Variants in CALML6 observed in about 807,000 individuals in gnomAD.
CALML6 encodes the protein calmodulin-like protein 6.
In CALML6, 27 loss-of-function variants were observed where a neutral mutation model predicts 25.0. That is an observed-to-expected ratio of 1.08 (90% CI 0.80 to 1.49). The LOEUF is 1.49. Among genes scored for constraint, CALML6 ranks in the 40% most tolerant of loss-of-function variants. The pLI, the probability that CALML6 is intolerant of heterozygous loss-of-function variation, is 0.00. For synonymous variants in CALML6, 97 were observed against 87.2 expected (o/e 1.11, Z -0.63); for missense variants, 239 against 232.7 (o/e 1.03, Z -0.18).
chr1:1,916,480 G>A lies in CALML6; in HGVS notation c.118G>A (p.Gly40Arg), dbSNP rs1383214336. 1 of 1,570,244 alleles carries A rather than the reference G, an allele frequency of 6.4e-7. No homozygotes were observed. Among genetic ancestry groups the A allele is most frequent in the Non-Finnish European group, 8.6e-7 (1 of 1,157,882 alleles). The change falls in exon 3 of 6, where the codon GGA becomes AGA. Residue 40 changes from glycine (G) to arginine (R), a missense_variant. Coordinates refer to ENST00000307786, the MANE Select transcript of CALML6 (RefSeq NM_138705.4). The stretch of plus-strand genomic sequence containing the variant: ...GGCTGAGCAGATCAAGGAGTACAAG[G>A]GAGTCTTTGAGATGTTCGACGAAGA... ...LSAEQIKEYK[G>R]VFEMFDEEGN...
Position 1,916,616 on chromosome 1 carries a change from G to C in CALML6, c.253+1G>C. ...ATGGCCAAGGATGTGGACAGAGACA[G>C]TGAGCTCATGGCTGGAGTGGGGTGG... On this transcript the variant is annotated splice_donor_variant, in intron 3 of 5. Transcript: ENST00000307786. LOFTEE classifies it high-confidence loss of function. The C allele has an allele frequency of 1.9e-6, 3 of 1,604,104 alleles. No individual in the cohort carries two copies. The highest frequency in any genetic ancestry group is 2.6e-6 in the Non-Finnish European group (3 of 1,174,176).
intron 2 of CALML6, chr1:1,916,225 CCT>C (rs1263121276): frequency 4.0e-5 from 20 of 504,636 alleles, no homozygotes; most frequent in South Asian, 7.0e-5. Context: ...GGCCCTTGCC[CCT>C]GTTAGCTGCC....
At chr1:1,916,192 C>T (rs556333343) in intron 2 of CALML6, 2 of 463,618 alleles carry the variant, frequency 4.3e-6, no homozygotes, top group Non-Finnish European at 7.7e-6. Flanking sequence ...GCTGTTCCCT[C>T]GCACGCTGGC....
chr1:1,917,142 C>A lies in CALML6; in HGVS notation c.500-5C>A. 1 of 1,608,782 alleles carries A rather than the reference C, an allele frequency of 6.2e-7. No individual in the cohort carries two copies. The highest frequency in any genetic ancestry group is 8.5e-7 in the Non-Finnish European group (1 of 1,178,488). Reference sequence around the variant, plus strand: ...CAAGCTGCTGACCTGCCCCTCTGTTCCCAGAGTTTGTGGCCATGATGACGG... The same window carrying A: ...CAAGCTGCTGACCTGCCCCTCTGTTACCAGAGTTTGTGGCCATGATGACGG... On this transcript the variant is annotated splice_polypyrimidine_tract_variant and splice_region_variant and intron_variant, in intron 5 of 5. Transcript: ENST00000307786.
chr1:1,916,589 C>T lies in CALML6; in HGVS notation c.227C>T (p.Ser76Leu), dbSNP rs770748193. The change falls in exon 3 of 6, where the codon TCA becomes TTA. Residue 76 changes from serine (S) to leucine (L), a missense_variant. By Grantham distance (145) the Ser-to-Leu change is moderately radical. Transcript: ENST00000307786. ...GINPTKSELA[S>L]MAKDVDRDNK... ...AACCCCACCAAGAGTGAGCTGGCCTCAATGGCCAAGGATGTGGACAGAGAC... is the reference window on the plus strand; with the variant it reads ...AACCCCACCAAGAGTGAGCTGGCCTTAATGGCCAAGGATGTGGACAGAGAC... 6 of 1,608,714 alleles carry T rather than the reference C, an allele frequency of 3.7e-6. No individual in the cohort carries two copies. The highest frequency in any genetic ancestry group is 8.5e-7 in the Non-Finnish European group (1 of 1,177,762).
In CALML6 at chr1:1,916,828, C is replaced by T. The variant is rs764129043; in HGVS notation, c.330C>T (p.Ser110=). 19 of 1,609,014 alleles carry T rather than the reference C, an allele frequency of 1.2e-5. No homozygotes were observed. The highest frequency in any genetic ancestry group is 1.7e-4 in the Middle Eastern group (1 of 6,054). The change falls in exon 4 of 6, where the codon AGC becomes AGT. Residue 110 remains serine (S), a synonymous_variant. Transcript: ENST00000307786. ...ATGAGAAGGCCCAGAACCAGGAGAGCGAGCTGAGGGCGGCATTCCGTGTCT... is the reference window on the plus strand; with the variant it reads ...ATGAGAAGGCCCAGAACCAGGAGAGTGAGCTGAGGGCGGCATTCCGTGTCT... ...VYHEKAQNQE[S]ELRAAFRVFD...
At position 1,915,321 on chromosome 1, in the gene CALML6, G is replaced by A. The variant is rs749996069; in HGVS notation, c.27+14G>A. The A allele has an allele frequency of 1.9e-6, 3 of 1,553,500 alleles. No homozygotes were observed. Among genetic ancestry groups the A allele is most frequent in the Admixed American group, 3.9e-5 (2 of 51,442 alleles). On this transcript the variant is annotated intron_variant, in intron 1 of 5. Transcript: ENST00000307786. ...GAAATCTCACTGGTAAGTGATGACA[G>A]CATGGGACCAGGGTCCCATGAAGAC...
rs762319116 is a variant in CALML6 at position 1,916,562 on chromosome 1, T to A, written c.200T>A (p.Ile67Asn). ...ELEWLMSLLGINPTKSELASM... is the reference protein window; with the variant it reads ...ELEWLMSLLGNNPTKSELASM... ...GAGTGGCTCATGAGCCTGCTGGGTA[T>A]CAACCCCACCAAGAGTGAGCTGGCC... The change falls in exon 3 of 6, where the codon ATC becomes AAC. Residue 67 changes from isoleucine to asparagine, a missense_variant. This residue lies in a region of CALML6 where 231 missense variants were observed against 210.9 expected (regional missense o/e 1.10). Transcript: ENST00000307786. 6.2e-6 allele frequency: 10 copies of A among 1,611,874 alleles called. No homozygotes were observed. The South Asian group carries it at 7.7e-5, about 12-fold the overall frequency.
rs776669864 is a variant in CALML6, at chr1:1,916,953, G to T, written c.399-21G>T. On this transcript the variant is annotated intron_variant, in intron 4 of 5. Transcript: ENST00000307786. ...GGGCACGGGCAGGGCCGATGGAGTG[G>T]CTCAGCGCCAGGCCCCGTAGGTACG... is the stretch of plus-strand genomic sequence containing the variant. 1.9e-6 allele frequency: 3 copies of T among 1,611,170 alleles called. No homozygotes were observed. The African/African-American group carries it at 4.0e-5, about 22-fold the overall frequency.
intron 2 of CALML6, 170 bp from the exon 3 acceptor site, chr1:1,916,271 C>T (rs1330267481): frequency 1.0e-5 from 6 of 598,466 alleles, no homozygotes; most frequent in Admixed American, 6.3e-5. Flanking sequence ...AAACCCCTGG[C>T]GTGTGACCCC....
intron 2 of CALML6, chr1:1,916,226 C>T: frequency 2.0e-6 from 1 of 506,104 alleles, no homozygotes; most frequent in Non-Finnish European, 3.5e-6. Context: ...GCCCTTGCCC[C>T]TGTTAGCTGC....
In CALML6 at chr1:1,916,465, A is replaced by T; in HGVS notation, c.103A>T (p.Ile35Phe). 1.3e-6 allele frequency: 2 copies of T among 1,552,754 alleles called. No homozygotes were observed. The highest frequency in any genetic ancestry group is 1.7e-6 in the Non-Finnish European group (2 of 1,148,464). ...DMTERLSAEQIKEYKGVFEMF... is the reference protein window; with the variant it reads ...DMTERLSAEQFKEYKGVFEMF... The stretch of plus-strand genomic sequence containing the variant: ...GACAGAGCGCCTGTCGGCTGAGCAG[A>T]TCAAGGAGTACAAGGGAGTCTTTGA... The change falls in exon 3 of 6, where the codon ATC (isoleucine) becomes TTC (phenylalanine). Residue 35 changes from isoleucine (I) to phenylalanine (F), a missense_variant. Physicochemically the swap from Ile to Phe is conservative, Grantham distance 21. Coordinates refer to ENST00000307786, the MANE Select transcript of CALML6 (RefSeq NM_138705.4).
chr1:1,915,416 G>A (rs1300210491), intron 1 of CALML6, 109 bp downstream of exon 1: 12 of 1,517,892 alleles, frequency 7.9e-6, no homozygotes, highest in East Asian at 2.5e-5. Context: ...ACAGCACGGG[G>A]AACAGCGTGT....
At position 1,917,293 on chromosome 1, in the gene CALML6, C is replaced by T. The variant is rs1651168439; in HGVS notation, c.*100C>T. ...CTCCGTGTAAAATAAATGTTCCAGC[C>T]CAACCTGTGTGTGCCTCACTGTCCC... On this transcript the variant is annotated 3_prime_UTR_variant, in exon 6 of 6. Coordinates refer to ENST00000307786, the MANE Select transcript of CALML6 (RefSeq NM_138705.4). 1.3e-5 allele frequency: 17 copies of T among 1,337,586 alleles called. No homozygotes were observed. The South Asian group carries it at 2.2e-4, about 17-fold the overall frequency. 82.9% of individuals were successfully genotyped at this position (1,337,586 alleles called of 1,614,324 possible).
Position 1,916,813 on chromosome 1 carries a change from C to A in CALML6, c.315C>A (p.Ala105=), listed in dbSNP as rs770088866. The change falls in exon 4 of 6, where the codon GCC becomes GCA. Residue 105 remains alanine, a synonymous_variant. Coordinates refer to ENST00000307786, the MANE Select transcript of CALML6 (RefSeq NM_138705.4). ...LALMGVYHEK[A]QNQESELRAA... is the part of the protein sequence containing the mutation. The stretch of plus-strand genomic sequence containing the variant: ...TAATGGGAGTTTACCATGAGAAGGC[C>A]CAGAACCAGGAGAGCGAGCTGAGGG... The A allele has an allele frequency of 1.7e-5, 27 of 1,613,086 alleles. No homozygotes were observed. The highest frequency in any genetic ancestry group is 2.2e-5 in the Non-Finnish European group (26 of 1,179,984).
rs549785941 is a variant in CALML6, at chr1:1,916,905, C to T, written c.398+9C>T. 63 of 213,494 alleles carry T rather than the reference C, an allele frequency of 3.0e-4. No individual in the cohort carries two copies. The highest frequency in any genetic ancestry group is 1.4e-3 in the South Asian group (34 of 24,400). 13.2% of individuals were successfully genotyped at this position (213,494 alleles called of 1,614,324 possible). The stretch of plus-strand genomic sequence containing the variant: ...GACTGGAACACACTCAAGTAGGGCC[C>T]GGGTTGGGGGCGGGTGGTGGGCGGG... On this transcript the variant is annotated intron_variant, in intron 4 of 5. Coordinates refer to ENST00000307786, the MANE Select transcript of CALML6 (RefSeq NM_138705.4).
intron 3 of CALML6, 24 bp downstream of exon 3, chr1:1,916,639 TG>T (rs1337826763): frequency 6.3e-7 from 1 of 1,588,790 alleles, no homozygotes; most frequent in African/African-American, 1.4e-5. Flanking sequence ...TGGAGTGGGG[TG>T]GGCAGCCTCG....
At chr1:1,916,102 G>A (rs777100031) in intron 2 of CALML6, 15 of 419,864 alleles carry the variant, frequency 3.6e-5, no homozygotes, top group Non-Finnish European at 5.6e-5. Context: ...CCCTGCTCTC[G>A]GCTTCCTTCA....
chr1:1,916,521 G>A lies in CALML6; in HGVS notation c.159G>A (p.Val53=), dbSNP rs970067982. 2.5e-6 allele frequency: 4 copies of A among 1,609,044 alleles called. No individual in the cohort carries two copies. The highest frequency in any genetic ancestry group is 2.5e-6 in the Non-Finnish European group (3 of 1,177,886). Residue 53 remains valine (V), a synonymous_variant, in exon 3 of 6, where the codon GTG becomes GTA. Coordinates refer to ENST00000307786, the MANE Select transcript of CALML6 (RefSeq NM_138705.4). ...TCGACGAAGAGGGCAACGGGGAGGT[G>A]AAGACGGGGGAGCTGGAGTGGCTCA... ...EMFDEEGNGE[V]KTGELEWLMS... is the part of the protein sequence containing the mutation.
Sources: gnomAD v4.1 joint callset for allele counts on GRCh38, gnomAD v4.1.1 for gene constraint, gnomAD v4.1.1 regional missense constraint, MANE v1.5 for transcripts, NCBI Gene and HGNC (gene_info 2026-07-23, HGNC 2026-07-21) for gene names.